The following DAAM1 variants were observed in gnomAD, a reference collection of about 807,000 sequenced individuals.
DAAM1 encodes dishevelled associated activator of morphogenesis 1, also known as disheveled-associated activator of morphogenesis 1.
In DAAM1, 52 loss-of-function variants were observed where a neutral mutation model predicts 130.0. The observed-to-expected ratio is 0.40, with a 90% CI of 0.32 to 0.50. The LOEUF is 0.50. Among genes scored for constraint, DAAM1 ranks in the 20% least tolerant of loss-of-function variants. DAAM1 has a pLI of 0.61. For synonymous variants in DAAM1, 452 were observed against 444.5 expected (o/e 1.02, Z -0.21); for missense variants, 1,134 against 1,303.8 (o/e 0.87, Z 2.01).
intron 22 of DAAM1, among the ~76,000 whole-genome samples, chr14:59,361,991 AAATT>A (rs1886720229): frequency 6.6e-6 from 1 of 151,400 alleles, no homozygotes; most frequent in East Asian, 1.9e-4. Context: ...TTTTTTCAAT[AAATT>A]AAGGAGCATG....
intron 3 of DAAM1, among the ~76,000 whole-genome samples, chr14:59,293,549 T>C (rs1478700891): frequency 6.6e-6 from 1 of 152,178 alleles, no homozygotes; most frequent in Non-Finnish European, 1.5e-5. Context: ...CCTTTGAGAA[T>C]GCACTTCTCC....
chr14:59,326,375 C>T (rs915337085), intron 10 of DAAM1, 135 bp from the exon 11 acceptor site: 1 of 888,830 alleles, frequency 1.1e-6, no homozygotes, highest in Non-Finnish European at 1.6e-6. Flanking sequence ...AATTCCATAA[C>T]TTTGGGAAGC....
intron 16 of DAAM1, among the ~76,000 whole-genome samples, chr14:59,346,853 C>T (rs772706539): frequency 1.3e-5 from 2 of 151,972 alleles, no homozygotes; most frequent in Non-Finnish European, 2.9e-5. Flanking sequence ...AAAGAGAAAA[C>T]AGATTTGTAT....
At chr14:59,294,700 CTT>C (rs1019595129) in intron 3 of DAAM1, among the ~76,000 whole-genome samples, 58 of 152,068 alleles carry the variant, frequency 3.8e-4, no homozygotes, top group African/African-American at 1.3e-3. Context: ...ACAACATACT[CTT>C]TTGTTTAAAT....
At chr14:59,248,936 C>T (rs1881514843) in intron 1 of DAAM1, among the ~76,000 whole-genome samples, 2 of 152,276 alleles carry the variant, frequency 1.3e-5, no homozygotes, top group South Asian at 4.1e-4. Flanking sequence ...TACAGGCGCC[C>T]ACCACCACGC....
rs767404780 is a variant in DAAM1 at position 59,367,583 on chromosome 14, C to G, written c.2981C>G (p.Ala994Gly). The change falls in exon 24 of 25, where the codon GCT becomes GGT. Residue 994 changes from alanine (A) to glycine (G), a missense_variant. Ala to Gly is a moderately conservative substitution (Grantham distance 60). Around this residue, in one of 3 missense-constraint regions of DAAM1, gnomAD observed 644 missense variants for 695.9 expected, o/e 0.93. Transcript: ENST00000360909. ...AAAAAGGAGGAAGAAGAACGTCGAG[C>G]TCGCATGGAAGCTCAGGTGAGAGGA... Reference protein sequence around the residue: ...RKKKEEEERRARMEAQLKEQR... With the variant: ...RKKKEEEERRGRMEAQLKEQR... The G allele has an allele frequency of 2.5e-6, 4 of 1,613,278 alleles. No individual in the cohort carries two copies. The highest frequency in any genetic ancestry group is 1.6e-4 in the Middle Eastern group (1 of 6,078).
chr14:59,351,556 C>T (rs1002305831), intron 17 of DAAM1, among the ~76,000 whole-genome samples: 2 of 152,134 alleles, frequency 1.3e-5, no homozygotes, highest in Non-Finnish European at 2.9e-5. Context: ...ATACACTCTG[C>T]CTGGAATGTA....
chr14:59,231,596 AG>A (rs1889108422), intron 1 of DAAM1, among the ~76,000 whole-genome samples: 1 of 152,192 alleles, frequency 6.6e-6, no homozygotes, highest in Non-Finnish European at 1.5e-5. Flanking sequence ...TTCAGATCTC[AG>A]TTGTACCATT....
intron 1 of DAAM1, among the ~76,000 whole-genome samples, chr14:59,194,765 T>A (rs1887832590): frequency 6.6e-6 from 1 of 152,266 alleles, no homozygotes; most frequent in Non-Finnish European, 1.5e-5. Flanking sequence ...TATTTATTTT[T>A]ACAGTGGAGC....
intron 1 of DAAM1, among the ~76,000 whole-genome samples, chr14:59,260,369 A>G (rs1218871780): frequency 4.6e-5 from 7 of 152,224 alleles, no homozygotes; most frequent in African/African-American, 1.7e-4. Flanking sequence ...CAAACAAGGT[A>G]ATCTCTACAT....
In DAAM1 at chr14:59,369,686, C is replaced by G; in HGVS notation, c.*827C>G. ...TGTTCTAACAATATAGATATATAAA[C>G]CTTAAAAATAATAAAATATCTCACC... On this transcript the variant is annotated 3_prime_UTR_variant, in exon 25 of 25. Transcript: ENST00000360909. 7.3e-6 allele frequency: 1 copy of G among 137,248 alleles called. No individual in the cohort carries two copies. The highest frequency in any genetic ancestry group is 2.3e-4 in the South Asian group (1 of 4,438). The allele number at this position is 137,248 out of a possible 1,614,324, so 8.5% of individuals were successfully genotyped here.
chr14:59,275,468 A>G (rs904220899), intron 2 of DAAM1, among the ~76,000 whole-genome samples: 1 of 152,346 alleles, frequency 6.6e-6, no homozygotes, highest in Non-Finnish European at 1.5e-5. Flanking sequence ...AGACTTGTCA[A>G]CTGAAGTTGT....
chr14:59,262,103 A>G (rs140496490), intron 1 of DAAM1, among the ~76,000 whole-genome samples: 1 of 151,234 alleles, frequency 6.6e-6, no homozygotes, highest in African/African-American at 2.4e-5. Context: ...TTGAAGACTT[A>G]TAACAGTTAC....
At chr14:59,274,289 A>G (rs779168723) in intron 2 of DAAM1, among the ~76,000 whole-genome samples, 1 of 152,180 alleles carries the variant, frequency 6.6e-6, no homozygotes, top group Non-Finnish European at 1.5e-5. Context: ...CTCAGAATAT[A>G]TATATGACAT....
At chr14:59,271,831 T>A (rs1882722611) in intron 2 of DAAM1, among the ~76,000 whole-genome samples, 1 of 152,240 alleles carries the variant, frequency 6.6e-6, no homozygotes, top group African/African-American at 2.4e-5. Context: ...TTTTTATCTC[T>A]TCATTTTTAA....
chr14:59,368,582 G>C (rs1887016395), intron 24 of DAAM1, 68 bp from the exon 25 acceptor site: 2 of 1,484,492 alleles, frequency 1.3e-6, no homozygotes, highest in Admixed American at 2.0e-5. Context: ...TCAAGGAATT[G>C]ACCTCTACTG....
At chr14:59,322,765 C>A in intron 5 of DAAM1, 127 bp from the exon 6 acceptor site, 1 of 725,376 alleles carries the variant, frequency 1.4e-6, no homozygotes, top group Admixed American at 2.7e-5. Flanking sequence ...AAAAAGACTT[C>A]ATCAATGTAA....
At chr14:59,272,832 C>T (rs1882786766) in intron 2 of DAAM1, among the ~76,000 whole-genome samples, 1 of 151,984 alleles carries the variant, frequency 6.6e-6, no homozygotes, top group Admixed American at 6.6e-5. Flanking sequence ...TGCTAAAATT[C>T]CTATGGAGTA....
intron 1 of DAAM1, among the ~76,000 whole-genome samples, chr14:59,191,842 C>T (rs1351923062): frequency 6.6e-6 from 1 of 152,114 alleles, no homozygotes; most frequent in Non-Finnish European, 1.5e-5. Flanking sequence ...CCCAGAAGAG[C>T]TGGGAGACAA....
Sources: gnomAD v4.1 joint callset for allele counts (sites outside exome capture counted in the v4.1 genomes callset) on GRCh38, gnomAD v4.1.1 for gene constraint, gnomAD v4.1.1 regional missense constraint, MANE v1.5 for transcripts, NCBI Gene and HGNC (gene_info 2026-07-23, HGNC 2026-07-21) for gene names.